ITGBL1: variants seen among roughly 807,000 people sequenced by gnomAD.
ITGBL1 encodes the protein integrin subunit beta like 1.
In ITGBL1, 51 loss-of-function variants were observed where a neutral mutation model predicts 68.5. The ratio of observed to expected loss-of-function variants is 0.74; its 90% confidence interval spans 0.59 to 0.94. The LOEUF (loss-of-function observed/expected upper bound fraction) is 0.94, where lower values mean the gene tolerates loss of function less well. ITGBL1 is among the 40% of genes least tolerant of loss of function. The pLI, the probability that ITGBL1 is intolerant of heterozygous loss-of-function variation, is 0.00. For missense variants in ITGBL1, 649 were observed against 647.4 expected, an observed-to-expected ratio of 1.00 and a Z score of -0.03; for synonymous variants, 209 against 227.3, an observed-to-expected ratio of 0.92 and a Z score of 0.72.
chr13:101,647,488 CA>C (rs1201962221), intron 7 of ITGBL1, among the ~76,000 whole-genome samples: 10 of 150,812 alleles, frequency 6.6e-5, no homozygotes, highest in East Asian at 1.9e-4. Context: ...AAAATACCAA[CA>C]AAAAAAAATA....
At chr13:101,708,904 C>T (rs1306262641) in intron 9 of ITGBL1, among the ~76,000 whole-genome samples, 2 of 152,226 alleles carry the variant, frequency 1.3e-5, no homozygotes, top group African/African-American at 2.4e-5. Context: ...CTCACTAATT[C>T]AATCTAATCT....
At chr13:101,512,351 A>G (rs1314244925) in intron 2 of ITGBL1, among the ~76,000 whole-genome samples, 1 of 152,098 alleles carries the variant, frequency 6.6e-6, no homozygotes, top group Non-Finnish European at 1.5e-5. Flanking sequence ...TTCTGTCTCC[A>G]CGTCTCTTCT....
chr13:101,537,246 CA>C (rs2049594583), intron 2 of ITGBL1, among the ~76,000 whole-genome samples: 1 of 152,000 alleles, frequency 6.6e-6, no homozygotes, highest in Admixed American at 6.6e-5. Flanking sequence ...TCTTAGCAGT[CA>C]GAGACTGGCT....
At chr13:101,464,867 G>A (rs751166259) in intron 2 of ITGBL1, among the ~76,000 whole-genome samples, 4 of 152,116 alleles carry the variant, frequency 2.6e-5, no homozygotes, top group Admixed American at 6.5e-5. Context: ...CCTGCAGATC[G>A]AAGTCAAGTC....
In ITGBL1 at chr13:101,715,469, T is replaced by C. The variant is rs1213499493; in HGVS notation, c.1394-94T>C. ...GAAAATCTACCAAGGATGAATGAAA[T>C]GATTTCATTGTGGACACTTGTGATT... On this transcript the variant is annotated intron_variant, in intron 10 of 10. Transcript: ENST00000376180. 8.1e-6 allele frequency: 7 copies of C among 866,498 alleles called. No individual in the cohort carries two copies. In the Admixed American group the frequency reaches 1.3e-4, roughly 16 times the overall value. 53.7% of individuals were successfully genotyped at this position (866,498 alleles called of 1,614,324 possible).
chr13:101,645,572 T>C (rs2032531787), intron 7 of ITGBL1, among the ~76,000 whole-genome samples: 1 of 152,168 alleles, frequency 6.6e-6, no homozygotes, highest in Admixed American at 6.5e-5. Context: ...TTGCTTTTTC[T>C]CTCATTCGGG....
chr13:101,540,266 C>T (rs1004141912), intron 2 of ITGBL1, among the ~76,000 whole-genome samples: 1 of 152,184 alleles, frequency 6.6e-6, no homozygotes, highest in Non-Finnish European at 1.5e-5. Context: ...CAGCTTTCTA[C>T]ATATGGCTAG....
At chr13:101,629,250 C>G (rs1566765167) in intron 7 of ITGBL1, among the ~76,000 whole-genome samples, 1 of 152,048 alleles carries the variant, frequency 6.6e-6, no homozygotes, top group East Asian at 1.9e-4. Context: ...AATTTTTTAC[C>G]TAATCTACAA....
rs10508070 is a variant in ITGBL1, at chr13:101,634,281, G to A, written c.1015+35982G>A. Among the ~76,000 whole-genome samples the A allele has an allele frequency of 5.4e-3, 820 of 152,256 alleles. 4 individuals are homozygous for A. Among genetic ancestry groups the A allele is most frequent in the Non-Finnish European group, 8.2e-3 (561 of 68,012 alleles). On this transcript the variant is annotated intron_variant, in intron 7 of 10. Coordinates refer to ENST00000376180, the MANE Select transcript of ITGBL1 (RefSeq NM_004791.3). ...ACTGAGATTTTGATCTTTGAAAGTG[G>A]AAGATGATAGACTCCAATGGGGAGA...
At chr13:101,569,107 T>TAC (rs765379576) in intron 3 of ITGBL1, among the ~76,000 whole-genome samples, 79 of 128,860 alleles carry the variant, frequency 6.1e-4, no homozygotes, top group East Asian at 2.3e-3. Context: ...CACCCCTCCA[T>TAC]ACACACACAC....
At chr13:101,479,719 C>T (rs372986907) in intron 2 of ITGBL1, among the ~76,000 whole-genome samples, 1 of 151,964 alleles carries the variant, frequency 6.6e-6, no homozygotes, top group Non-Finnish European at 1.5e-5. Flanking sequence ...CTCAACATGA[C>T]AGATCATCAG....
intron 7 of ITGBL1, among the ~76,000 whole-genome samples, chr13:101,661,355 G>A (rs995462852): frequency 6.6e-6 from 1 of 152,062 alleles, no homozygotes; most frequent in Non-Finnish European, 1.5e-5. Flanking sequence ...GAATATTACT[G>A]ATCTTGCACC....
At chr13:101,468,271 G>A (rs184351123) in intron 2 of ITGBL1, among the ~76,000 whole-genome samples, 2 of 152,252 alleles carry the variant, frequency 1.3e-5, no homozygotes, top group East Asian at 3.9e-4. Flanking sequence ...TATTTGATTT[G>A]TTAACTATGT....
In ITGBL1 at chr13:101,545,113, A is replaced by C. The variant is rs146155779; in HGVS notation, c.317-22586A>C. Among the ~76,000 whole-genome samples, 424 of 152,286 alleles carry C rather than the reference A, an allele frequency of 2.8e-3. 3 individuals carry two copies. The highest frequency in any genetic ancestry group is 9.8e-3 in the African/African-American group (409 of 41,560). On this transcript the variant is annotated intron_variant, in intron 2 of 10. Transcript: ENST00000376180. Reference sequence around the variant, plus strand: ...AGATGAACCCGGTACCTCAGTTGGAAATGCAAAAATCGCCCATCTTCTGCG... The same window carrying C: ...AGATGAACCCGGTACCTCAGTTGGACATGCAAAAATCGCCCATCTTCTGCG...
At chr13:101,653,019 C>T (rs1032930204) in intron 7 of ITGBL1, among the ~76,000 whole-genome samples, 1 of 151,928 alleles carries the variant, frequency 6.6e-6, no homozygotes, top group Middle Eastern at 3.2e-3. Flanking sequence ...TTGCTCGAAC[C>T]CGGGAGGTGG....
At chr13:101,560,868 C>T (rs2139235146) in intron 2 of ITGBL1, among the ~76,000 whole-genome samples, 1 of 152,240 alleles carries the variant, frequency 6.6e-6, no homozygotes, top group African/African-American at 2.4e-5. Context: ...TTATTCTTTA[C>T]CCTTGATGAA....
At chr13:101,718,885 T>C (rs2034821119), downstream of ITGBL1, 1 of 152,090 alleles carries the variant, frequency 6.6e-6, no homozygotes, top group Non-Finnish European at 1.5e-5. Flanking sequence ...AGGCCCTATG[T>C]CACATTGTAG....
At chr13:101,654,636 C>T (rs1203040474) in intron 7 of ITGBL1, among the ~76,000 whole-genome samples, 1 of 152,098 alleles carries the variant, frequency 6.6e-6, no homozygotes, top group Non-Finnish European at 1.5e-5. Context: ...CAGTGGTTCT[C>T]CTTCGGTCAT....
chr13:101,464,531 C>CTA (rs546437405), intron 2 of ITGBL1, among the ~76,000 whole-genome samples: 4,208 of 150,738 alleles, frequency 0.028, 80 homozygotes, highest in Non-Finnish European at 0.037. Flanking sequence ...CTCTCTCTCT[C>CTA]TATATATATA....
Sources: gnomAD v4.1 joint callset for allele counts (sites outside exome capture counted in the v4.1 genomes callset) on GRCh38, gnomAD v4.1.1 for gene constraint, MANE v1.5 for transcripts, NCBI Gene and HGNC (gene_info 2026-07-23, HGNC 2026-07-21) for gene names.